EP400: variants seen among roughly 807,000 people sequenced by gnomAD.
EP400 encodes the protein E1A-binding protein p400.
A neutral mutation model predicts 354.1 loss-of-function variants in EP400; 105 were observed. That is an observed-to-expected ratio of 0.30 (90% CI 0.25 to 0.35). The LOEUF (loss-of-function observed/expected upper bound fraction) is 0.35, where lower values mean the gene tolerates loss of function less well. Among genes scored for constraint, EP400 ranks in the 10% least tolerant of loss-of-function variants. The probability of loss-of-function intolerance (pLI) is 1.00; values close to 1 mark genes in which losing one functional copy is unlikely to be tolerated. For missense variants in EP400, 3,280 were observed against 4,121.0 expected (o/e 0.80, Z 5.59); for synonymous variants, 1,646 against 1,716.9 (o/e 0.96, Z 1.02).
rs1431133130 is a variant in EP400, at chr12:131,994,998, G to T, written c.2827+42G>T. 2 of 1,558,744 alleles carry T rather than the reference G, an allele frequency of 1.3e-6. No homozygotes were observed. Among genetic ancestry groups the T allele is most frequent in the African/African-American group, 1.4e-5 (1 of 73,636 alleles). On this transcript the variant is annotated intron_variant, in intron 12 of 52. Coordinates refer to ENST00000389561, the MANE Select transcript of EP400 (RefSeq NM_015409.5). The surrounding 1 kb of genome is among the most constrained non-coding windows in gnomAD (Gnocchi z 4.6). ...TTATTAAACATTCAGTAAGTAAAAAGAAACATTTAAAACATGTGAGATGTG... is the reference window on the plus strand; with the variant it reads ...TTATTAAACATTCAGTAAGTAAAAATAAACATTTAAAACATGTGAGATGTG...
In EP400 at chr12:131,987,806, C is replaced by G. The variant is rs1238511451; in HGVS notation, c.2325C>G (p.His775Gln). 6 of 1,613,582 alleles carry G rather than the reference C, an allele frequency of 3.7e-6. No individual in the cohort carries two copies. The highest frequency in any genetic ancestry group is 5.1e-6 in the Non-Finnish European group (6 of 1,179,908). Residue 775 changes from histidine to glutamine, a missense_variant, in exon 7 of 53, where the codon CAC becomes CAG. Coordinates refer to ENST00000389561, the MANE Select transcript of EP400 (RefSeq NM_015409.5). ...KLQEAPRPKS[H>Q]WDYLLEEMQW... is the part of the protein sequence containing the mutation. The stretch of plus-strand genomic sequence containing the variant: ...AGGAGGCCCCACGCCCCAAGTCCCA[C>G]TGGGACTATCTGCTGGAGGAGATGC...
intron 12 of EP400, among the ~76,000 whole-genome samples, chr12:132,003,212 A>C (rs1893476524): frequency 1.3e-5 from 2 of 151,220 alleles, no homozygotes; most frequent in African/African-American, 2.4e-5. Flanking sequence ...AAAAACAGCC[A>C]ACCAAAAAAA....
intron 45 of EP400, among the ~76,000 whole-genome samples, chr12:132,059,734 G>T (rs1003284205): frequency 1.3e-5 from 2 of 152,188 alleles, no homozygotes; most frequent in Non-Finnish European, 2.9e-5. Context: ...AGGCTTTCAG[G>T]CTGGGCGTGG....
At chr12:132,015,917 G>A (rs1024456428) in intron 19 of EP400, among the ~76,000 whole-genome samples, 33 of 152,102 alleles carry the variant, frequency 2.2e-4, no homozygotes, top group African/African-American at 7.5e-4. Context: ...CACACCCGCT[G>A]CCGTGAGGGT....
chr12:131,981,709 G>A (rs1045775086), intron 4 of EP400, 113 bp downstream of exon 4: 1 of 852,842 alleles, frequency 1.2e-6, no homozygotes, highest in African/African-American at 1.7e-5. Flanking sequence ...GTTTGCAGTG[G>A]GGTGCCTGAA....
chr12:131,982,614 T>G, intron 5 of EP400, 136 bp downstream of exon 5: 3 of 1,103,002 alleles, frequency 2.7e-6, no homozygotes, highest in Non-Finnish European at 3.8e-6. Flanking sequence ...TTTAGAACAA[T>G]TACTCAATTC....
In EP400 at chr12:132,032,102, G is replaced by T. The variant is rs375724807; in HGVS notation, c.5904G>T (p.Gln1968His). ...DLNPVMDAKA[Q>H]EWCDRIGRCK... ...ATCCAGTGATGGATGCCAAAGCTCA[G>T]GAGTGGTGCGATAGGATCGGGAGAT... The change falls in exon 30 of 53, where the codon CAG (glutamine) becomes CAT (histidine). Residue 1968 changes from glutamine (Q) to histidine (H), a missense_variant. Gln to His is a conservative substitution (Grantham distance 24). Around this residue, in one of 20 missense-constraint regions of EP400, gnomAD observed 459 missense variants for 496.9 expected, o/e 0.92. Coordinates refer to ENST00000389561, the MANE Select transcript of EP400 (RefSeq NM_015409.5). 1 of 1,614,074 alleles carries T rather than the reference G, an allele frequency of 6.2e-7. No homozygotes were observed. The highest frequency in any genetic ancestry group is 1.3e-5 in the African/African-American group (1 of 74,934).
chr12:132,046,186 A>T (rs1328199695), intron 39 of EP400, among the ~76,000 whole-genome samples: 1 of 152,230 alleles, frequency 6.6e-6, no homozygotes, highest in Non-Finnish European at 1.5e-5. Context: ...TCTGATACCA[A>T]CATTTGCACT....
At chr12:131,953,034 A>T (rs1257977716) in intron 1 of EP400, among the ~76,000 whole-genome samples, 1 of 152,138 alleles carries the variant, frequency 6.6e-6, no homozygotes, top group East Asian at 1.9e-4. Context: ...CAGAACATGC[A>T]TTCTCAGTGA....
chr12:131,969,925 T>C (rs1029121061), intron 2 of EP400, among the ~76,000 whole-genome samples: 2 of 152,120 alleles, frequency 1.3e-5, no homozygotes, highest in African/African-American at 4.8e-5. Flanking sequence ...GATGTGCGTC[T>C]GTAGTCCCAA....
chr12:132,008,238 G>A (rs1432203869), intron 15 of EP400, among the ~76,000 whole-genome samples: 6 of 152,140 alleles, frequency 3.9e-5, no homozygotes, highest in African/African-American at 1.4e-4. Flanking sequence ...GTGAGCCACC[G>A]CACCCGGCCT....
chr12:131,963,950 G>A (rs1293881999), intron 2 of EP400, among the ~76,000 whole-genome samples: 1 of 152,060 alleles, frequency 6.6e-6, no homozygotes, highest in Non-Finnish European at 1.5e-5. Flanking sequence ...TGTTTTCAAT[G>A]TTGGTTCTTT....
At chr12:132,000,076 A>G (rs1893357542) in intron 12 of EP400, among the ~76,000 whole-genome samples, 3 of 150,566 alleles carry the variant, frequency 2.0e-5, no homozygotes, top group Admixed American at 2.0e-4. Flanking sequence ...CTGAGTTTTT[A>G]ACTTGGATGA....
chr12:132,040,237 G>T (rs1016232397), intron 32 of EP400, among the ~76,000 whole-genome samples: 3 of 152,078 alleles, frequency 2.0e-5, no homozygotes, highest in African/African-American at 7.2e-5. Flanking sequence ...CGAGGACATG[G>T]AGGAAAGGGG....
Position 132,034,897 on chromosome 12 carries a change from A to G in EP400, c.5951+2748A>G, listed in dbSNP as rs150557246. 7.1e-3 allele frequency among the ~76,000 whole-genome samples: 1,082 copies of G among 152,272 alleles called. 35 individuals carry two copies. In the South Asian group the frequency reaches 0.094, roughly 13 times the overall value. ...GGACCGCCTGACCCACACAGACCCCAAAGTCAGGGGAGACAGGCACACAGC... is the reference window on the plus strand; with the variant it reads ...GGACCGCCTGACCCACACAGACCCCGAAGTCAGGGGAGACAGGCACACAGC... On this transcript the variant is annotated intron_variant, in intron 30 of 52. Transcript: ENST00000389561.
At chr12:131,951,065 ATTTTTTTTTTTTT>A (rs750396319) in intron 1 of EP400, among the ~76,000 whole-genome samples, 2 of 104,200 alleles carry the variant, frequency 1.9e-5, no homozygotes, top group African/African-American at 3.8e-5. Flanking sequence ...ACGCCTGGCT[ATTTTTTTTTTTTT>A]TTTTTTTTTT....
Position 132,018,407 on chromosome 12 carries a change from T to C in EP400, c.4277+31T>C. Reference sequence around the variant, plus strand: ...TGCGACCCAGAGGCAGCGGGGAGGGTTGGCTCCCAGGGCCCCCACAGCTGA... The same window carrying C: ...TGCGACCCAGAGGCAGCGGGGAGGGCTGGCTCCCAGGGCCCCCACAGCTGA... On this transcript the variant is annotated intron_variant, in intron 21 of 52. Coordinates refer to ENST00000389561, the MANE Select transcript of EP400 (RefSeq NM_015409.5). This position sits in a 1 kb window ranked among gnomAD's most constrained non-coding sequence, Gnocchi z 4.0. 1 of 1,570,430 alleles carries C rather than the reference T, an allele frequency of 6.4e-7. No homozygotes were observed.
At chr12:132,022,303 C>G (rs963065979) in intron 23 of EP400, among the ~76,000 whole-genome samples, 4 of 152,172 alleles carry the variant, frequency 2.6e-5, no homozygotes, top group African/African-American at 9.7e-5. Flanking sequence ...TCCTGTGGGT[C>G]GGTCCTCACC....
chr12:132,062,435 G>A, intron 46 of EP400, 31 bp from the exon 47 acceptor site: 2 of 1,612,742 alleles, frequency 1.2e-6, no homozygotes, highest in Non-Finnish European at 1.7e-6. Flanking sequence ...GAGTATCCCT[G>A]TCCAGACCTA....
Sources: gnomAD v4.1 joint callset for allele counts (sites outside exome capture counted in the v4.1 genomes callset) on GRCh38, gnomAD v4.1.1 for gene constraint, gnomAD v4.1.1 regional missense constraint, Gnocchi (gnomAD v3.1) non-coding constraint, MANE v1.5 for transcripts, NCBI Gene and HGNC (gene_info 2026-07-23, HGNC 2026-07-21) for gene names.